Variants in PRKCB observed in about 807,000 individuals in gnomAD.
The protein encoded by PRKCB is protein kinase C beta type.
Under a neutral mutation model 81.5 loss-of-function variants are expected in PRKCB, and 13 were observed. The observed-to-expected ratio is 0.16, with a 90% CI of 0.10 to 0.25. PRKCB has a LOEUF of 0.25. Among genes scored for constraint, PRKCB ranks in the 10% least tolerant of loss-of-function variants. The pLI, the probability that PRKCB is intolerant of heterozygous loss-of-function variation, is 1.00. For missense variants in PRKCB, 509 were observed against 875.7 expected (o/e 0.58, Z 5.29); for synonymous variants, 335 against 321.4 (o/e 1.04, Z -0.45).
Position 24,092,831 on chromosome 16 carries a change from C to T in PRKCB, c.570C>T (p.Gly190=). 6.2e-7 allele frequency: 1 copy of T among 1,614,098 alleles called. No individual in the cohort carries two copies. Among genetic ancestry groups the T allele is most frequent in the South Asian group, 1.1e-5 (1 of 91,080 alleles). ...AKNLVPMDPN[G]LSDPYVKLKL... The stretch of plus-strand genomic sequence containing the variant: ...ACCTTGTACCTATGGACCCCAATGG[C>T]CTGTCAGATCCCTACGTAAAACTGA... The change falls in exon 6 of 17, where the codon GGC becomes GGT. Residue 190 remains glycine (G), a synonymous_variant. Coordinates refer to ENST00000643927, the MANE Select transcript of PRKCB (RefSeq NM_002738.7).
At chr16:24,212,260 A>T (rs1014511594) in intron 16 of PRKCB, among the ~76,000 whole-genome samples, 5 of 152,146 alleles carry the variant, frequency 3.3e-5, no homozygotes, top group African/African-American at 1.2e-4. Flanking sequence ...AAATGGAAAT[A>T]AAACACCTAT....
At chr16:24,025,838 C>T (rs1319172719) in intron 3 of PRKCB, among the ~76,000 whole-genome samples, 1 of 152,116 alleles carries the variant, frequency 6.6e-6, no homozygotes, top group African/African-American at 2.4e-5. Context: ...GGTGTGAACC[C>T]CATCTCTGCA....
intron 2 of PRKCB, among the ~76,000 whole-genome samples, chr16:23,954,875 A>C (rs775584744): frequency 6.6e-6 from 1 of 152,146 alleles, no homozygotes; most frequent in Non-Finnish European, 1.5e-5. Context: ...AACACGATGA[A>C]ACCCTGTCTC....
chr16:23,989,807 T>C (rs1471241734), intron 3 of PRKCB, among the ~76,000 whole-genome samples: 1 of 152,154 alleles, frequency 6.6e-6, no homozygotes, highest in Non-Finnish European at 1.5e-5. Flanking sequence ...CCTCTCATGA[T>C]GGAAGCTAAA....
In PRKCB at chr16:24,214,870, TGTG is replaced by T; in HGVS notation, c.*58_*60del. ...TCTGTCATTCAAGCTCAACGGCTAT[TGTG>T]GTGACATTTTTATGTTTTTCATTGC... On this transcript the variant is annotated 3_prime_UTR_variant, in exon 17 of 17. Coordinates refer to ENST00000643927, the MANE Select transcript of PRKCB (RefSeq NM_002738.7). The T allele has an allele frequency of 2.5e-6, 4 of 1,591,070 alleles. No homozygotes were observed. The highest frequency in any genetic ancestry group is 3.4e-6 in the Non-Finnish European group (4 of 1,167,682).
At chr16:24,091,725 C>T (rs2141899987) in intron 5 of PRKCB, among the ~76,000 whole-genome samples, 1 of 152,286 alleles carries the variant, frequency 6.6e-6, no homozygotes, top group East Asian at 1.9e-4. Context: ...ATTCTCCTGC[C>T]TGGGCCTCCC....
At chr16:24,014,162 G>C (rs1057254196) in intron 3 of PRKCB, among the ~76,000 whole-genome samples, 2 of 152,174 alleles carry the variant, frequency 1.3e-5, no homozygotes, top group African/African-American at 4.8e-5. Flanking sequence ...CAGCGGCTTT[G>C]CAAGTTGAAT....
chr16:24,077,481 T>C (rs1966194126), intron 5 of PRKCB, among the ~76,000 whole-genome samples: 1 of 140,178 alleles, frequency 7.1e-6, no homozygotes, highest in African/African-American at 2.9e-5. Context: ...ACACATGCAT[T>C]CATCTCTCCA....
At chr16:23,939,095 T>C (rs569417946) in intron 2 of PRKCB, among the ~76,000 whole-genome samples, 1 of 152,256 alleles carries the variant, frequency 6.6e-6, no homozygotes, top group Admixed American at 6.5e-5. Flanking sequence ...TAGCAATGAA[T>C]ACGGGAAGAC....
rs141764502 is a variant in PRKCB, at chr16:24,078,995, A to G, written c.530-13796A>G. On this transcript the variant is annotated intron_variant, in intron 5 of 16. Transcript: ENST00000643927. ...CAGGCCTCTGAGCCCAAGCTAAGCC[A>G]TCATATCCCCTGTGACCTGCACGTA... is the stretch of plus-strand genomic sequence containing the variant. Among the ~76,000 whole-genome samples the G allele has an allele frequency of 2.3e-4, 35 of 152,334 alleles. No individual in the cohort carries two copies. In the East Asian group the frequency reaches 6.6e-3, roughly 29 times the overall value.
At chr16:24,126,711 T>C (rs1038660438) in intron 9 of PRKCB, among the ~76,000 whole-genome samples, 5 of 151,610 alleles carry the variant, frequency 3.3e-5, no homozygotes, top group Non-Finnish European at 5.9e-5. Context: ...ATTTTTGTAG[T>C]TTTTAATAGA....
chr16:24,087,196 A>G (rs1966319889), intron 5 of PRKCB, among the ~76,000 whole-genome samples: 2 of 152,186 alleles, frequency 1.3e-5, no homozygotes, highest in Admixed American at 6.5e-5. Flanking sequence ...ACCCAATGCT[A>G]TTATCTGACA....
chr16:24,127,700 C>T (rs1452472474), intron 9 of PRKCB, among the ~76,000 whole-genome samples: 2 of 152,046 alleles, frequency 1.3e-5, no homozygotes, highest in Non-Finnish European at 2.9e-5. Context: ...TCATATGTCT[C>T]CATGGAAACT....
rs183416071 is a variant in PRKCB at position 24,034,752 on chromosome 16, A to T, written c.401-667A>T. ...CCAAGATAATGCCTCTTCCAGGGAGACCAGATGATTGTGGTGCCCAGCCCT... is the reference window on the plus strand; with the variant it reads ...CCAAGATAATGCCTCTTCCAGGGAGTCCAGATGATTGTGGTGCCCAGCCCT... On this transcript the variant is annotated intron_variant, in intron 4 of 16. Coordinates refer to ENST00000643927, the MANE Select transcript of PRKCB (RefSeq NM_002738.7). 1.5e-3 allele frequency among the ~76,000 whole-genome samples: 230 copies of T among 152,032 alleles called. 3 individuals carry two copies. The highest frequency in any genetic ancestry group is 4.9e-3 in the African/African-American group (204 of 41,450).
rs77958819 is a variant in PRKCB at position 23,960,850 on chromosome 16, G to A, written c.206-27658G>A. Among the ~76,000 whole-genome samples, 1,176 of 152,200 alleles carry A rather than the reference G, an allele frequency of 7.7e-3. 4 individuals are homozygous for A. Among genetic ancestry groups the A allele is most frequent in the Non-Finnish European group, 0.013 (851 of 68,008 alleles). Reference sequence around the variant, plus strand: ...CTTTAATCATTGTCTGAGAGTCTGGGGTATCCCAAACTAAGATAATTGCCC... The same window carrying A: ...CTTTAATCATTGTCTGAGAGTCTGGAGTATCCCAAACTAAGATAATTGCCC... On this transcript the variant is annotated intron_variant, in intron 2 of 16. Coordinates refer to ENST00000643927, the MANE Select transcript of PRKCB (RefSeq NM_002738.7).
chr16:24,115,603 G>A (rs758746370), intron 8 of PRKCB, among the ~76,000 whole-genome samples: 3 of 148,454 alleles, frequency 2.0e-5, no homozygotes, highest in Admixed American at 6.8e-5. Flanking sequence ...TTATCCCAAG[G>A]ATAGCATTTA....
At chr16:23,946,524 T>G (rs532556623) in intron 2 of PRKCB, among the ~76,000 whole-genome samples, 5 of 152,124 alleles carry the variant, frequency 3.3e-5, no homozygotes, top group African/African-American at 9.7e-5. Flanking sequence ...AAAGTCTACT[T>G]TAGAGGGCTA....
intron 2 of PRKCB, among the ~76,000 whole-genome samples, chr16:23,947,120 C>G (rs1001190256): frequency 6.6e-6 from 1 of 152,148 alleles, no homozygotes; most frequent in African/African-American, 2.4e-5. Flanking sequence ...CCTCCCAAAG[C>G]GCTGGCATTA....
intron 9 of PRKCB, among the ~76,000 whole-genome samples, chr16:24,132,533 C>T (rs563840213): frequency 2.0e-4 from 31 of 152,156 alleles, no homozygotes; most frequent in Non-Finnish European, 3.8e-4. Flanking sequence ...GTGATGGTGA[C>T]GACGAAGATG....
Sources: gnomAD v4.1 joint callset for allele counts (sites outside exome capture counted in the v4.1 genomes callset) on GRCh38, gnomAD v4.1.1 for gene constraint, MANE v1.5 for transcripts, NCBI Gene and HGNC (gene_info 2026-07-23, HGNC 2026-07-21) for gene names.